The following AGO3 variants were observed in gnomAD, a reference collection of about 807,000 sequenced individuals.
AGO3 encodes protein argonaute-3.
AGO3 carries 16 observed loss-of-function variants against 105.5 expected under a neutral mutation model. The ratio of observed to expected loss-of-function variants is 0.15; its 90% CI spans 0.10 to 0.23. The LOEUF is 0.23. Ranked by LOEUF, AGO3 falls within the 10% of genes least tolerant of loss-of-function variation. The pLI is 1.00. For missense variants in AGO3, 534 were observed against 1,088.0 expected, an observed-to-expected ratio of 0.49 and a Z score of 7.16; for synonymous variants, 340 against 367.3, an observed-to-expected ratio of 0.93 and a Z score of 0.85.
intron 1 of AGO3, among the ~76,000 whole-genome samples, chr1:35,939,872 C>G (rs1366776333): frequency 6.6e-6 from 1 of 151,928 alleles, no homozygotes; most frequent in East Asian, 1.9e-4. Context: ...TTCTACTTTT[C>G]CCTCTTTTAT....
rs1569783402 is a variant in AGO3 at position 36,014,117 on chromosome 1, T to A, written c.1406+69T>A. 3.1e-6 allele frequency: 5 copies of A among 1,594,920 alleles called. No individual in the cohort carries two copies. The East Asian group carries it at 1.1e-4, about 36-fold the overall frequency. On this transcript the variant is annotated intron_variant, in intron 11 of 18. Coordinates refer to ENST00000373191, the MANE Select transcript of AGO3 (RefSeq NM_024852.4). The stretch of plus-strand genomic sequence containing the variant: ...AGACTTTAAATTACTCATCTAATGT[T>A]CTAACAGATGTTGCCTTAATATGAA...
At chr1:36,038,810 A>G (rs190577340) in intron 14 of AGO3, among the ~76,000 whole-genome samples, 1 of 152,348 alleles carries the variant, frequency 6.6e-6, no homozygotes, top group East Asian at 1.9e-4. Context: ...TGAGGACCAG[A>G]TACAGAACAC....
chr1:35,939,902 G>C (rs1646222173), intron 1 of AGO3, among the ~76,000 whole-genome samples: 2 of 151,808 alleles, frequency 1.3e-5, no homozygotes. Flanking sequence ...GCATATTCTA[G>C]GTATAATATG....
At chr1:36,054,034 C>G (rs1302783342) in intron 17 of AGO3, among the ~76,000 whole-genome samples, 1 of 151,840 alleles carries the variant, frequency 6.6e-6, no homozygotes, top group Non-Finnish European at 1.5e-5. Context: ...ATGAGGTCTT[C>G]CTATGTTGCC....
chr1:36,040,296 A>T lies in AGO3; in HGVS notation c.2038-11A>T. On this transcript the variant is annotated splice_polypyrimidine_tract_variant and intron_variant, in intron 15 of 18. Transcript: ENST00000373191. ...TGACTATATTGAATCTTTCCATTTCATATTCTCTAGGTATTATATTATGAA... is the reference window on the plus strand; with the variant it reads ...TGACTATATTGAATCTTTCCATTTCTTATTCTCTAGGTATTATATTATGAA... The T allele has an allele frequency of 6.2e-7, 1 of 1,610,090 alleles. No individual in the cohort carries two copies. Among genetic ancestry groups the T allele is most frequent in the Non-Finnish European group, 8.5e-7 (1 of 1,177,676 alleles).
chr1:35,989,925 T>A (rs147645730), intron 5 of AGO3, among the ~76,000 whole-genome samples: 1 of 152,048 alleles, frequency 6.6e-6, no homozygotes, highest in Middle Eastern at 3.2e-3. Flanking sequence ...GTTAGTTATA[T>A]CTCCCTTAAG....
chr1:35,988,465 T>C (rs1647317904), intron 5 of AGO3, among the ~76,000 whole-genome samples: 1 of 152,148 alleles, frequency 6.6e-6, no homozygotes, highest in South Asian at 2.1e-4. Flanking sequence ...CCTGGGTAAC[T>C]ACCATTCTAA....
intron 14 of AGO3, among the ~76,000 whole-genome samples, chr1:36,038,627 C>G (rs914078781): frequency 2.1e-4 from 32 of 152,090 alleles, no homozygotes; most frequent in African/African-American, 7.7e-4. Context: ...TGAAGCATGA[C>G]TTTGGTATAG....
intron 2 of AGO3, among the ~76,000 whole-genome samples, chr1:35,949,012 C>T (rs1455394984): frequency 5.3e-5 from 8 of 151,998 alleles, no homozygotes; most frequent in Admixed American, 1.3e-4. Flanking sequence ...GGCACGATCT[C>T]GGCTCATTGC....
chr1:35,952,941 T>G (rs573637448), intron 2 of AGO3, among the ~76,000 whole-genome samples: 2 of 152,378 alleles, frequency 1.3e-5, no homozygotes, highest in Admixed American at 1.3e-4. Context: ...ATAATACATT[T>G]TGTTTATCCA....
intron 2 of AGO3, among the ~76,000 whole-genome samples, chr1:35,951,983 A>C (rs1646477361): frequency 6.6e-6 from 1 of 152,104 alleles, no homozygotes. Context: ...ATGTAATTTT[A>C]GAACATTTCA....
At chr1:35,942,492 A>G (rs1236386511) in intron 1 of AGO3, among the ~76,000 whole-genome samples, 1 of 152,072 alleles carries the variant, frequency 6.6e-6, no homozygotes, top group Non-Finnish European at 1.5e-5. Flanking sequence ...TGTTTGGTAT[A>G]ATTCTCTAGT....
At chr1:35,959,413 A>G (rs1051621105) in intron 2 of AGO3, among the ~76,000 whole-genome samples, 1 of 152,202 alleles carries the variant, frequency 6.6e-6, no homozygotes, top group Non-Finnish European at 1.5e-5. Flanking sequence ...GCATCACAGT[A>G]TAATTCTGCA....
chr1:35,930,941 C>A, upstream of AGO3: 1 of 298,192 alleles, frequency 3.4e-6, no homozygotes, highest in East Asian at 5.7e-5. Flanking sequence ...GCCGAGCCCG[C>A]CGCATGTGGC....
rs1255254125 is a variant in AGO3 at position 36,069,452 on chromosome 1, C to T, written c.*13707C>T. The T allele has an allele frequency of 6.6e-6, 1 of 152,194 alleles. No homozygotes were observed. Among genetic ancestry groups the T allele is most frequent in the Non-Finnish European group, 1.5e-5 (1 of 68,034 alleles). The allele number at this position is 152,194 out of a possible 1,614,324, so 9.4% of individuals were successfully genotyped here. A position where few individuals can be genotyped will look rare whatever the true frequency, so the allele number is the denominator to read the frequency against. On this transcript the variant is annotated 3_prime_UTR_variant, in exon 19 of 19. Transcript: ENST00000373191. ...GCATTTGAGTTCTCCAAAGGAAAAG[C>T]TATTCAGACGTTCAAGATAATAGAA...
Position 36,054,943 on chromosome 1 carries a change from T to C in AGO3, c.2275-3T>C. On this transcript the variant is annotated splice_region_variant and splice_polypyrimidine_tract_variant and intron_variant, in intron 17 of 18. Coordinates refer to ENST00000373191, the MANE Select transcript of AGO3 (RefSeq NM_024852.4). ...ACAGTGTATGTCATTGCCTTCTCTA[T>C]AGGGTACCAGTCGTCCTTCACACTA... The C allele has an allele frequency of 6.2e-7, 1 of 1,613,654 alleles. No individual in the cohort carries two copies.
intron 5 of AGO3, among the ~76,000 whole-genome samples, chr1:35,974,160 G>A (rs1646917186): frequency 6.6e-6 from 1 of 152,014 alleles, no homozygotes; most frequent in Non-Finnish European, 1.5e-5. Flanking sequence ...AGCAGCAATG[G>A]CATTATCATA....
chr1:35,953,382 TATTTTC>T (rs2148757308), intron 2 of AGO3, among the ~76,000 whole-genome samples: 1 of 152,352 alleles, frequency 6.6e-6, no homozygotes, highest in African/African-American at 2.4e-5. Flanking sequence ...TTTTAAAAAT[TATTTTC>T]ATCCTAGTGG....
At chr1:35,971,029 AATATAT>A (rs538490559) in intron 3 of AGO3, among the ~76,000 whole-genome samples, 1 of 142,984 alleles carries the variant, frequency 7.0e-6, no homozygotes, top group South Asian at 2.1e-4. Flanking sequence ...ACCCAGCCTA[AATATAT>A]ATATATATAT....
Sources: gnomAD v4.1 joint callset for allele counts (sites outside exome capture counted in the v4.1 genomes callset) on GRCh38, gnomAD v4.1.1 for gene constraint, MANE v1.5 for transcripts, NCBI Gene and HGNC (gene_info 2026-07-23, HGNC 2026-07-21) for gene names.